ISLR2: variants seen among roughly 807,000 people sequenced by gnomAD.
ISLR2 encodes the protein immunoglobulin superfamily containing leucine rich repeat 2.
Under a neutral mutation model 25.5 loss-of-function variants are expected in ISLR2, and 16 were observed. That is an observed-to-expected ratio of 0.63 (90% CI 0.43 to 0.95). The LOEUF is 0.95. Ranked by LOEUF, ISLR2 falls within the 40% of genes least tolerant of loss-of-function variation. ISLR2 has a pLI of 0.00. For missense variants in ISLR2, 883 were observed against 1,030.7 expected (o/e 0.86, Z 1.96); for synonymous variants, 508 against 486.6 (o/e 1.04, Z -0.58).
upstream of ISLR2, among the ~76,000 whole-genome samples, chr15:74,123,818 A>G (rs2072271413): frequency 6.6e-6 from 1 of 152,162 alleles, no homozygotes; most frequent in African/African-American, 2.4e-5. Context: ...CAGCACAGGC[A>G]TTTCCAAGAA....
chr15:74,128,234 G>T, upstream of ISLR2: 1 of 319,828 alleles, frequency 3.1e-6, no homozygotes, highest in Non-Finnish European at 6.0e-6. Flanking sequence ...AGGCCTCGGC[G>T]GACTCTGCCT....
downstream of ISLR2, among the ~76,000 whole-genome samples, chr15:74,137,943 C>T: frequency 6.7e-6 from 1 of 150,184 alleles, no homozygotes; most frequent in South Asian, 2.1e-4. Flanking sequence ...TGTTTTCTTT[C>T]TTTTTTTTTT....
chr15:74,109,039 T>C (rs2072144999), intron 2 of ISLR2, among the ~76,000 whole-genome samples: 1 of 152,250 alleles, frequency 6.6e-6, no homozygotes. Context: ...CTTTTGATTA[T>C]GTAACTAAAC....
At chr15:74,107,369 G>A (rs1400138017) in intron 2 of ISLR2, among the ~76,000 whole-genome samples, 1 of 152,212 alleles carries the variant, frequency 6.6e-6, no homozygotes, top group Admixed American at 6.5e-5. Flanking sequence ...CCAGGGTGCA[G>A]GTGGGCCCAG....
chr15:74,130,537 T>C (rs779812903), upstream of ISLR2: 3 of 152,622 alleles, frequency 2.0e-5, no homozygotes, highest in Non-Finnish European at 4.4e-5. Flanking sequence ...AAAGATGGTT[T>C]GTCTCACGTG....
chr15:74,106,899 A>G (rs981161570), intron 2 of ISLR2, among the ~76,000 whole-genome samples: 1 of 152,118 alleles, frequency 6.6e-6, no homozygotes, highest in Non-Finnish European at 1.5e-5. Context: ...GAATTCTTAC[A>G]GAGCCCTTCA....
upstream of ISLR2, chr15:74,128,502 G>A (rs1190291103): frequency 4.4e-6 from 2 of 456,520 alleles, no homozygotes; most frequent in South Asian, 1.5e-5. Flanking sequence ...AGGAAAGGGG[G>A]TCTTCCCTGG....
intron 2 of ISLR2, among the ~76,000 whole-genome samples, chr15:74,112,951 C>T (rs2072181023): frequency 6.6e-6 from 1 of 151,886 alleles, no homozygotes; most frequent in Non-Finnish European, 1.5e-5. Flanking sequence ...CCTCAGCCTT[C>T]CAAGTAGCTG....
chr15:74,131,567 A>G (rs1027419208), intron 2 of ISLR2, among the ~76,000 whole-genome samples: 3 of 152,136 alleles, frequency 2.0e-5, no homozygotes, highest in Non-Finnish European at 2.9e-5. Flanking sequence ...CGTTTGTGTG[A>G]CCGGGCTTAA....
At position 74,110,966 on chromosome 15, in the gene ISLR2, A is replaced by C. The variant is rs542193321; in HGVS notation, n.228+7052A>C. ...GGCAACGAGAGGAAAACTTTGTTTCAAAAACAACACAAAAACAAAAAACAA... is the reference window on the plus strand; with the variant it reads ...GGCAACGAGAGGAAAACTTTGTTTCCAAAACAACACAAAAACAAAAAACAA... On this transcript the variant is annotated intron_variant and non_coding_transcript_variant, in intron 2 of 3. Transcript: ENST00000561975. 4.0e-5 allele frequency among the ~76,000 whole-genome samples: 6 copies of C among 151,878 alleles called. No individual in the cohort carries two copies. The South Asian group carries it at 1.3e-3, about 32-fold the overall frequency.
Position 74,133,475 on chromosome 15 carries a change from C to G in ISLR2, c.721C>G (p.Pro241Ala). 2 of 1,612,956 alleles carry G rather than the reference C, an allele frequency of 1.2e-6. No individual in the cohort carries two copies. ...APPSVHLSAE[P>A]PLEAPGTPLR... ...GCCCAGCGTGCATCTGAGTGCCGAG[C>G]CACCGCTTGAAGCACCCGGCACCCC... is the stretch of plus-strand genomic sequence containing the variant. Residue 241 changes from proline (P) to alanine (A), a missense_variant, in exon 3 of 3, where the codon CCA (proline) becomes GCA (alanine). Physicochemically the swap from Pro to Ala is conservative, Grantham distance 27. Around this residue, in one of 2 missense-constraint regions of ISLR2, gnomAD observed 271 missense variants for 387.9 expected, o/e 0.70. Coordinates refer to ENST00000453268, the MANE Select transcript of ISLR2 (RefSeq NM_020851.3).
At chr15:74,122,632 C>G (rs916774525) in intron 2 of ISLR2, among the ~76,000 whole-genome samples, 1 of 152,228 alleles carries the variant, frequency 6.6e-6, no homozygotes, top group African/African-American at 2.4e-5. Context: ...AAACAGCCAC[C>G]TGCACACAAA....
rs2072523779 is a variant in ISLR2, at chr15:74,134,585, G to A, written c.1831G>A (p.Ala611Thr). The change falls in exon 3 of 3, where the codon GCC becomes ACC. Residue 611 changes from alanine to threonine, a missense_variant. Physicochemically the swap from Ala to Thr is moderately conservative, Grantham distance 58. This residue lies in a region of ISLR2 where 612 missense variants were observed against 642.8 expected (regional missense o/e 0.95). Coordinates refer to ENST00000453268, the MANE Select transcript of ISLR2 (RefSeq NM_020851.3). Reference sequence around the variant, plus strand: ...GCTGGCCACAGTGCCCCTTCTGGGCGCCGCCTGCTGCCATCTGCTGGCTAA... The same window carrying A: ...GCTGGCCACAGTGCCCCTTCTGGGCACCGCCTGCTGCCATCTGCTGGCTAA... ...LVLATVPLLG[A>T]ACCHLLAKHP... 6.2e-7 allele frequency: 1 copy of A among 1,614,136 alleles called. No individual in the cohort carries two copies. Among genetic ancestry groups the A allele is most frequent in the Non-Finnish European group, 8.5e-7 (1 of 1,180,032 alleles).
chr15:74,113,464 T>C (rs2072186424), intron 2 of ISLR2, among the ~76,000 whole-genome samples: 1 of 152,218 alleles, frequency 6.6e-6, no homozygotes. Flanking sequence ...CTGTTTGTAT[T>C]GACTGGTTTT....
chr15:74,124,232 T>G (rs1480268461), upstream of ISLR2, among the ~76,000 whole-genome samples: 1 of 151,600 alleles, frequency 6.6e-6, no homozygotes, highest in Non-Finnish European at 1.5e-5. Flanking sequence ...GAACATGCAA[T>G]TCCCCAATCC....
At chr15:74,126,334 GA>G (rs2072295035), upstream of ISLR2, 3 of 148,084 alleles carry the variant, frequency 2.0e-5, no homozygotes, top group African/African-American at 7.6e-5. Context: ...CAAGGTGACC[GA>G]AAAGCATAGG....
chr15:74,111,902 C>T (rs1157196377), intron 2 of ISLR2, among the ~76,000 whole-genome samples: 1 of 152,066 alleles, frequency 6.6e-6, no homozygotes, highest in East Asian at 1.9e-4. Context: ...TTGATTGTAG[C>T]AGTGGTTAAA....
At chr15:74,138,594 C>T (rs2072593527), downstream of ISLR2, 1 of 152,408 alleles carries the variant, frequency 6.6e-6, no homozygotes, top group African/African-American at 2.4e-5. Flanking sequence ...AGAAATTGTC[C>T]TACAAAGATT....
chr15:74,133,408 G>A lies in ISLR2; in HGVS notation c.654G>A (p.Gln218=), dbSNP rs759505459. The stretch of plus-strand genomic sequence containing the variant: ...CTTGTGCCTCGCCTCCCGCGCTGCA[G>A]GGGGTGCCGGTGTACCGCCTGCCCG... ...SIACASPPAL[Q]GVPVYRLPAL... Residue 218 remains glutamine (Q), a synonymous_variant, in exon 3 of 3, where the codon CAG becomes CAA. Transcript: ENST00000453268. 1.9e-6 allele frequency: 3 copies of A among 1,606,952 alleles called. No individual in the cohort carries two copies. The East Asian group carries it at 6.7e-5, about 36-fold the overall frequency.
Sources: gnomAD v4.1 joint callset for allele counts (sites outside exome capture counted in the v4.1 genomes callset) on GRCh38, gnomAD v4.1.1 for gene constraint, gnomAD v4.1.1 regional missense constraint, MANE v1.5 for transcripts, NCBI Gene and HGNC (gene_info 2026-07-23, HGNC 2026-07-21) for gene names.